The following GRIK4 variants were observed in gnomAD, a reference collection of about 807,000 sequenced individuals.
The protein encoded by GRIK4 is glutamate receptor ionotropic, kainate 4.
A neutral mutation model predicts 104.9 loss-of-function variants in GRIK4; 40 were observed. The ratio of observed to expected loss-of-function variants is 0.38; its 90% CI spans 0.30 to 0.50. The LOEUF is 0.50. Among genes scored for constraint, GRIK4 ranks in the 20% least tolerant of loss-of-function variants. The pLI is 0.93. For missense variants in GRIK4, 1,047 were observed against 1,308.1 expected (o/e 0.80, Z 3.08); for synonymous variants, 485 against 524.9 (o/e 0.92, Z 1.04).
At chr11:120,958,207 C>G (rs1182069945) in intron 16 of GRIK4, among the ~76,000 whole-genome samples, 4 of 152,356 alleles carry the variant, frequency 2.6e-5, no homozygotes, top group African/African-American at 7.2e-5. Flanking sequence ...CCATTGCCCA[C>G]TTTATCCGCT....
intron 7 of GRIK4, among the ~76,000 whole-genome samples, chr11:120,832,570 G>A (rs527394930): frequency 6.6e-5 from 10 of 152,262 alleles, no homozygotes; most frequent in African/African-American, 2.4e-4. Flanking sequence ...ACAGAAGAGG[G>A]AACTGAGACT....
intron 14 of GRIK4, among the ~76,000 whole-genome samples, chr11:120,941,404 T>A (rs1943720735): frequency 6.6e-6 from 1 of 152,060 alleles, no homozygotes; most frequent in African/African-American, 2.4e-5. Context: ...ATCCCAGCTC[T>A]AGAGAAAAGG....
chr11:120,761,002 A>G lies in GRIK4; in HGVS notation c.83-41691A>G, dbSNP rs141345259. Reference sequence around the variant, plus strand: ...TGGGTCAAATGGTATTTCTAGCTCTAGATCCTTGAGGAATCGCCACACTGT... The same window carrying G: ...TGGGTCAAATGGTATTTCTAGCTCTGGATCCTTGAGGAATCGCCACACTGT... On this transcript the variant is annotated intron_variant, in intron 3 of 20. Coordinates refer to ENST00000527524, the MANE Select transcript of GRIK4 (RefSeq NM_014619.5). 4.5e-3 allele frequency among the ~76,000 whole-genome samples: 689 copies of G among 152,298 alleles called. 6 individuals carry two copies. Among genetic ancestry groups the G allele is most frequent in the African/African-American group, 0.016 (670 of 41,550 alleles).
intron 1 of GRIK4, among the ~76,000 whole-genome samples, chr11:120,587,170 G>A (rs1948676329): frequency 6.6e-6 from 1 of 152,110 alleles, no homozygotes; most frequent in African/African-American, 2.4e-5. Context: ...TCAAGCTGAT[G>A]TTTATGATGG....
At chr11:120,799,162 T>C (rs1163117610) in intron 3 of GRIK4, among the ~76,000 whole-genome samples, 1 of 152,164 alleles carries the variant, frequency 6.6e-6, no homozygotes, top group South Asian at 2.1e-4. Context: ...TTCTGAGAGA[T>C]TATTTTACTA....
intron 5 of GRIK4, among the ~76,000 whole-genome samples, chr11:120,817,347 T>C (rs1952988333): frequency 6.6e-6 from 1 of 152,246 alleles, no homozygotes; most frequent in African/African-American, 2.4e-5. Context: ...CCAGCCAGAC[T>C]GCACTGCCCT....
intron 11 of GRIK4, among the ~76,000 whole-genome samples, chr11:120,884,197 C>T (rs181247465): frequency 2.1e-4 from 32 of 152,334 alleles, no homozygotes; most frequent in Admixed American, 2.1e-3. Context: ...TGGTGATCAT[C>T]ATCATATCTG....
intron 3 of GRIK4, among the ~76,000 whole-genome samples, chr11:120,697,666 T>G (rs1017608281): frequency 6.6e-6 from 1 of 152,130 alleles, no homozygotes; most frequent in Non-Finnish European, 1.5e-5. Context: ...AGAGGAAAGG[T>G]AGCTTCTGAG....
rs369574290 is a variant in GRIK4, at chr11:120,939,114, AGCACCAGTTCTGGGCTTTTCC to A, written c.1477-1232_1477-1212del. 0.25 allele frequency among the ~76,000 whole-genome samples: 37,307 copies of A among 152,066 alleles called. 5,303 individuals are homozygous for A. The highest frequency in any genetic ancestry group is 0.37 in the Admixed American group (5,693 of 15,272). On this transcript the variant is annotated intron_variant, in intron 13 of 20. Transcript: ENST00000527524. This position sits in a 1 kb window ranked among gnomAD's most constrained non-coding sequence, Gnocchi z 5.6. ...TAGAGTAGAGGATGCATTAGAACTG[AGCACCAGTTCTGGGCTTTTCC>A]CACTGCCCCATGTGTAGGAGAGTAG...
chr11:120,832,208 G>A (rs1953449406), intron 7 of GRIK4, among the ~76,000 whole-genome samples, 178 bp downstream of exon 7: 1 of 152,198 alleles, frequency 6.6e-6, no homozygotes, highest in African/African-American at 2.4e-5. Flanking sequence ...GAAGAAAGCA[G>A]GGTGAGGGTG....
chr11:120,774,488 G>A (rs1192468397), intron 3 of GRIK4, among the ~76,000 whole-genome samples: 1 of 152,174 alleles, frequency 6.6e-6, no homozygotes, highest in African/African-American at 2.4e-5. Context: ...GCAGAAGTCT[G>A]GAGACAGAAT....
At chr11:120,661,195 A>G (rs1652484157) in intron 3 of GRIK4, among the ~76,000 whole-genome samples, 1 of 152,106 alleles carries the variant, frequency 6.6e-6, no homozygotes, top group South Asian at 2.1e-4. Context: ...AACCCATGGA[A>G]TTAGGACAGA....
chr11:120,785,679 G>A (rs1952253366), intron 3 of GRIK4, among the ~76,000 whole-genome samples: 1 of 152,190 alleles, frequency 6.6e-6, no homozygotes, highest in East Asian at 1.9e-4. Flanking sequence ...AGTTGTATGG[G>A]GGTTACAGGA....
At chr11:120,853,334 T>C (rs1162901237) in intron 8 of GRIK4, among the ~76,000 whole-genome samples, 3 of 152,058 alleles carry the variant, frequency 2.0e-5, no homozygotes, top group Non-Finnish European at 4.4e-5. Context: ...TGATCAAATG[T>C]GGAGTTTAAA....
intron 9 of GRIK4, among the ~76,000 whole-genome samples, chr11:120,867,054 A>C (rs1954439482): frequency 6.6e-6 from 1 of 152,078 alleles, no homozygotes; most frequent in South Asian, 2.1e-4. Flanking sequence ...TCAGCACTCC[A>C]ATATAACCTG....
chr11:120,929,689 G>A (rs1166298579), intron 13 of GRIK4, among the ~76,000 whole-genome samples: 1 of 152,082 alleles, frequency 6.6e-6, no homozygotes, highest in African/African-American at 2.4e-5. Flanking sequence ...ACACCCCTCC[G>A]CTGATAGCTG....
intron 3 of GRIK4, among the ~76,000 whole-genome samples, chr11:120,662,512 C>A (rs1229789460): frequency 6.6e-6 from 1 of 152,196 alleles, no homozygotes; most frequent in African/African-American, 2.4e-5. Context: ...TTGCTAATTA[C>A]ATGGACTCCA....
intron 13 of GRIK4, chr11:120,936,276 TC>T: frequency 2.0e-6 from 1 of 510,688 alleles, no homozygotes; most frequent in Non-Finnish European, 3.9e-6. Context: ...ATCTTCCAGC[TC>T]CTTTGCAACA....
chr11:120,703,015 C>G (rs900385304), intron 3 of GRIK4, among the ~76,000 whole-genome samples: 4 of 152,158 alleles, frequency 2.6e-5, no homozygotes, highest in Non-Finnish European at 5.9e-5. Flanking sequence ...AAAAAAGCAA[C>G]ATAGCTGCCT....
Sources: gnomAD v4.1 joint callset for allele counts (sites outside exome capture counted in the v4.1 genomes callset) on GRCh38, gnomAD v4.1.1 for gene constraint, Gnocchi (gnomAD v3.1) non-coding constraint, MANE v1.5 for transcripts, NCBI Gene and HGNC (gene_info 2026-07-23, HGNC 2026-07-21) for gene names.